The following DPP10 variants were observed in gnomAD, a reference collection of about 807,000 sequenced individuals.
DPP10 encodes the protein dipeptidyl peptidase like 10.
Under a neutral mutation model 120.9 loss-of-function variants are expected in DPP10, and 33 were observed. That is an observed-to-expected ratio of 0.27 (90% CI 0.21 to 0.37). The LOEUF is 0.37. Among genes scored for constraint, DPP10 ranks in the 10% least tolerant of loss-of-function variants. The pLI is 1.00. For synonymous variants in DPP10, 337 were observed against 326.1 expected (o/e 1.03, Z -0.36); for missense variants, 816 against 942.8 (o/e 0.87, Z 1.76).
At chr2:115,464,811 G>A (rs772009157) in intron 3 of DPP10, among the ~76,000 whole-genome samples, 1 of 152,124 alleles carries the variant, frequency 6.6e-6, no homozygotes, top group African/African-American at 2.4e-5. Flanking sequence ...GAGTGAGCTA[G>A]AGGAGGGAGA....
At chr2:115,249,641 G>T (rs1165282657) in intron 1 of DPP10, among the ~76,000 whole-genome samples, 2 of 152,116 alleles carry the variant, frequency 1.3e-5, no homozygotes, top group African/African-American at 4.8e-5. Flanking sequence ...AGCTACTGCA[G>T]ATAGCAAGCC....
chr2:114,893,007 A>G (rs1558851624), intron 1 of DPP10, among the ~76,000 whole-genome samples: 1 of 152,322 alleles, frequency 6.6e-6, no homozygotes, highest in South Asian at 2.1e-4. Context: ...TATTCCATGG[A>G]CCACCAATAT....
At chr2:114,539,078 T>C (rs1686744799) in intron 1 of DPP10, among the ~76,000 whole-genome samples, 1 of 151,838 alleles carries the variant, frequency 6.6e-6, no homozygotes. Context: ...AACCTTTAAT[T>C]GCCACATAGC....
At chr2:114,541,603 G>C (rs143120406) in intron 1 of DPP10, among the ~76,000 whole-genome samples, 399 of 152,144 alleles carry the variant, frequency 2.6e-3, no homozygotes, top group African/African-American at 8.5e-3. Flanking sequence ...GTTAATCTTT[G>C]TCATTTATAA....
intron 1 of DPP10, among the ~76,000 whole-genome samples, chr2:115,104,176 T>C (rs1263280666): frequency 2.2e-5 from 3 of 137,990 alleles, no homozygotes; most frequent in African/African-American, 8.2e-5. Context: ...ATGTCTTTTT[T>C]TTTTTTTTTT....
intron 5 of DPP10, among the ~76,000 whole-genome samples, chr2:115,534,563 A>G (rs999477779): frequency 1.3e-5 from 2 of 152,056 alleles, no homozygotes; most frequent in African/African-American, 4.8e-5. Context: ...TAATGCCGCA[A>G]TAAACATACG....
At chr2:115,384,629 G>A (rs2066752722) in intron 3 of DPP10, among the ~76,000 whole-genome samples, 1 of 145,320 alleles carries the variant, frequency 6.9e-6, no homozygotes, top group South Asian at 2.2e-4. Context: ...AGAAGAAGAG[G>A]AAGAAGAAAG....
chr2:115,471,778 T>TTTGTTGTTGTTGTTG (rs57533300), intron 3 of DPP10, among the ~76,000 whole-genome samples: 1 of 149,618 alleles, frequency 6.7e-6, no homozygotes, highest in Non-Finnish European at 1.5e-5. Flanking sequence ...TCTGTTTTTG[T>TTTGTTGTTGTTGTTG]TTGTTGTTGT....
intron 5 of DPP10, among the ~76,000 whole-genome samples, chr2:115,680,277 GT>G (rs1430540721): frequency 6.6e-6 from 1 of 151,942 alleles, no homozygotes; most frequent in East Asian, 1.9e-4. Context: ...AGAATAAGAT[GT>G]TTTAAGTAGT....
intron 3 of DPP10, among the ~76,000 whole-genome samples, chr2:115,426,838 A>T (rs1324826450): frequency 6.6e-6 from 1 of 152,204 alleles, no homozygotes; most frequent in African/African-American, 2.4e-5. Context: ...GTCTTAACTC[A>T]CTCAAGAGTT....
At chr2:115,318,741 CTGAT>C (rs1559413782) in intron 2 of DPP10, among the ~76,000 whole-genome samples, 1 of 152,002 alleles carries the variant, frequency 6.6e-6, no homozygotes, top group East Asian at 1.9e-4. Flanking sequence ...AGAAACATGA[CTGAT>C]TGTTTAGTGT....
chr2:115,527,136 A>T (rs1488113908), intron 5 of DPP10, among the ~76,000 whole-genome samples: 1 of 152,144 alleles, frequency 6.6e-6, no homozygotes, highest in Non-Finnish European at 1.5e-5. Flanking sequence ...AGGTTTCAGG[A>T]GCTATTGTAA....
intron 1 of DPP10, among the ~76,000 whole-genome samples, chr2:115,172,457 C>T (rs1028030678): frequency 6.6e-6 from 1 of 151,490 alleles, no homozygotes; most frequent in Non-Finnish European, 1.5e-5. Flanking sequence ...GCACCAAGTT[C>T]CAATACAGAC....
intron 1 of DPP10, among the ~76,000 whole-genome samples, chr2:115,207,546 A>G (rs1325104689): frequency 2.0e-5 from 3 of 151,976 alleles, no homozygotes; most frequent in Admixed American, 1.3e-4. Flanking sequence ...CCACTGAGCA[A>G]TACATAGTAG....
chr2:115,602,560 A>AT (rs1373528166), intron 5 of DPP10, among the ~76,000 whole-genome samples: 6 of 152,036 alleles, frequency 3.9e-5, no homozygotes, highest in Non-Finnish European at 5.9e-5. Context: ...AAATTTCTTT[A>AT]TTTTTTCATT....
intron 7 of DPP10, among the ~76,000 whole-genome samples, chr2:115,721,873 A>G (rs571029382): frequency 6.6e-6 from 1 of 152,338 alleles, no homozygotes; most frequent in South Asian, 2.1e-4. Flanking sequence ...TCAACAGATA[A>G]ATGGTTAATG....
chr2:114,739,308 C>A (rs892424894), intron 1 of DPP10, among the ~76,000 whole-genome samples: 18 of 152,094 alleles, frequency 1.2e-4, no homozygotes, highest in Non-Finnish European at 2.2e-4. Context: ...TTTGTCAATT[C>A]ATATAAATAT....
intron 5 of DPP10, 108 bp downstream of exon 5, chr2:115,526,080 G>A (rs2078119489): frequency 7.6e-6 from 6 of 786,704 alleles, no homozygotes; most frequent in Non-Finnish European, 1.0e-5. Flanking sequence ...GGCATGTCTA[G>A]TAACTACCGG....
intron 3 of DPP10, among the ~76,000 whole-genome samples, chr2:115,368,671 C>T (rs1240762305): frequency 2.6e-5 from 4 of 151,780 alleles, no homozygotes; most frequent in Non-Finnish European, 2.9e-5. Flanking sequence ...AGTTTTTTCA[C>T]GATCAAGTGA....
Sources: gnomAD v4.1 joint callset for allele counts (sites outside exome capture counted in the v4.1 genomes callset) on GRCh38, gnomAD v4.1.1 for gene constraint, MANE v1.5 for transcripts, NCBI Gene and HGNC (gene_info 2026-07-23, HGNC 2026-07-21) for gene names.